The following TOP1 variants were observed in gnomAD, a reference collection of about 807,000 sequenced individuals.
TOP1 encodes DNA topoisomerase I, also known as DNA topoisomerase 1.
TOP1 carries 10 observed loss-of-function variants against 111.1 expected under a neutral mutation model. The ratio of observed to expected loss-of-function variants is 0.09; its 90% CI spans 0.06 to 0.15. The LOEUF (loss-of-function observed/expected upper bound fraction) is 0.15, where lower values mean the gene tolerates loss of function less well. Among genes scored for constraint, TOP1 ranks in the 10% least tolerant of loss-of-function variants. The pLI, the probability that TOP1 is intolerant of heterozygous loss-of-function variation, is 1.00. For synonymous variants in TOP1, 271 were observed against 302.9 expected (o/e 0.89, Z 1.10); for missense variants, 474 against 926.7 (o/e 0.51, Z 6.34).
At chr20:41,099,623 C>T (rs981311714) in intron 11 of TOP1, among the ~76,000 whole-genome samples, 5 of 152,116 alleles carry the variant, frequency 3.3e-5, no homozygotes, top group African/African-American at 1.2e-4. Flanking sequence ...AGTGACAGAT[C>T]TGTCTGAGCT....
In TOP1 at chr20:41,083,262, T is replaced by G. The variant is rs1179713269; in HGVS notation, c.508-1200T>G. ...TTCCTGTGGTGTGTTTCACCCTAAATAGTAAACATTATCTGAATTAATGTG... is the reference window on the plus strand; with the variant it reads ...TTCCTGTGGTGTGTTTCACCCTAAAGAGTAAACATTATCTGAATTAATGTG... On this transcript the variant is annotated intron_variant, in intron 7 of 20. Coordinates refer to ENST00000361337, the MANE Select transcript of TOP1 (RefSeq NM_003286.4). The surrounding 1 kb of genome is among the most constrained non-coding windows in gnomAD (Gnocchi z 7.2). Among the ~76,000 whole-genome samples, 3 of 152,162 alleles carry G rather than the reference T, an allele frequency of 2.0e-5. 1 individual carries two copies. Among genetic ancestry groups the G allele is most frequent in the African/African-American group, 7.2e-5 (3 of 41,442 alleles).
At chr20:41,076,123 T>C (rs2145934948) in intron 3 of TOP1, 48 bp from the exon 4 acceptor site, 2 of 1,571,496 alleles carry the variant, frequency 1.3e-6, no homozygotes, top group Non-Finnish European at 1.7e-6. Context: ...AAACGAATCC[T>C]TGTGGTCCCT....
rs550434530 is a variant in TOP1, at chr20:41,100,085, G to C, written c.1005G>C (p.Leu335=). 12 of 1,610,258 alleles carry C rather than the reference G, an allele frequency of 7.5e-6. No individual in the cohort carries two copies. In the African/African-American group the frequency reaches 8.0e-5, roughly 11 times the overall value. Residue 335 remains leucine, a synonymous_variant, in exon 12 of 21, where the codon CTG becomes CTC. Coordinates refer to ENST00000361337, the MANE Select transcript of TOP1 (RefSeq NM_003286.4). The surrounding 1 kb of genome is among the most constrained non-coding windows in gnomAD (Gnocchi z 4.4). ...TCAAAGAGGAGAATGAAAAATTACT[G>C]AAAGAATATGGATTCTGTATTATGG... is the stretch of plus-strand genomic sequence containing the variant. The part of the protein sequence containing the change: ...LKIKEENEKL[L]KEYGFCIMDN...
At position 41,118,099 on chromosome 20, in the gene TOP1, G is replaced by A. The variant is rs1420938324; in HGVS notation, c.1823-70G>A. The stretch of plus-strand genomic sequence containing the variant: ...AAATCATGGGGACGAGGCACTGGGG[G>A]AAGACATACTGTGTGTTCACTTTTG... On this transcript the variant is annotated intron_variant, in intron 17 of 20. Coordinates refer to ENST00000361337, the MANE Select transcript of TOP1 (RefSeq NM_003286.4). This position sits in a 1 kb window ranked among gnomAD's most constrained non-coding sequence, Gnocchi z 4.6. 3 of 1,535,386 alleles carry A rather than the reference G, an allele frequency of 2.0e-6. No homozygotes were observed. In the East Asian group the frequency reaches 6.8e-5, roughly 35 times the overall value.
At chr20:41,057,145 A>G (rs998935320) in intron 2 of TOP1, among the ~76,000 whole-genome samples, 9 of 152,084 alleles carry the variant, frequency 5.9e-5, no homozygotes, top group African/African-American at 1.7e-4. Flanking sequence ...ATGCACCTGT[A>G]GTCTCAGCTA....
intron 3 of TOP1, chr20:41,072,884 T>G: frequency 4.1e-6 from 4 of 985,430 alleles, no homozygotes; most frequent in Non-Finnish European, 4.8e-6. Context: ...TCTGCTCTTA[T>G]GCCTAAACAG....
chr20:41,059,070 A>G (rs1011542609), intron 2 of TOP1, among the ~76,000 whole-genome samples: 2 of 152,196 alleles, frequency 1.3e-5, no homozygotes, highest in African/African-American at 2.4e-5. Context: ...ACAGAGGAAC[A>G]GAAAACCAAG....
intron 7 of TOP1, 104 bp downstream of exon 7, chr20:41,081,344 T>TTA (rs1303728404): frequency 1.5e-6 from 2 of 1,355,830 alleles, no homozygotes; most frequent in Admixed American, 3.0e-5. Context: ...TATTGGCTTG[T>TTA]TATAACATTA....
At chr20:41,035,164 A>G (rs1036311691) in intron 2 of TOP1, among the ~76,000 whole-genome samples, 2 of 152,196 alleles carry the variant, frequency 1.3e-5, no homozygotes, top group African/African-American at 4.8e-5. Context: ...AGTGCTGGGC[A>G]TGAGCCACTG....
At position 41,061,717 on chromosome 20, in the gene TOP1, T is replaced by C. The variant is rs1351981119; in HGVS notation, c.155+227T>C. ...GCAAGTATGTTTAATTTTCTTTTAA[T>C]ATATACCTCATTAAAAATACAGTTG... On this transcript the variant is annotated intron_variant, in intron 3 of 20. Coordinates refer to ENST00000361337, the MANE Select transcript of TOP1 (RefSeq NM_003286.4). This position sits in a 1 kb window ranked among gnomAD's most constrained non-coding sequence, Gnocchi z 4.6. Among the ~76,000 whole-genome samples, 1 of 152,240 alleles carries C rather than the reference T, an allele frequency of 6.6e-6. No homozygotes were observed. The highest frequency in any genetic ancestry group is 2.4e-5 in the African/African-American group (1 of 41,460).
rs897002331 is a variant in TOP1 at position 41,116,030 on chromosome 20, C to T, written c.1708-248C>T. Among the ~76,000 whole-genome samples the T allele has an allele frequency of 6.6e-6, 1 of 152,150 alleles. No homozygotes were observed. The highest frequency in any genetic ancestry group is 2.4e-5 in the African/African-American group (1 of 41,420). ...GAGGCAGCAGTGAACCGAGATTGTA[C>T]CACTGCACTCCAGGCTGGGTGTCAG... On this transcript the variant is annotated intron_variant, in intron 16 of 20. Transcript: ENST00000361337. This position sits in a 1 kb window ranked among gnomAD's most constrained non-coding sequence, Gnocchi z 5.6.
intron 2 of TOP1, among the ~76,000 whole-genome samples, chr20:41,037,116 C>T (rs538982580): frequency 6.6e-6 from 1 of 152,250 alleles, no homozygotes; most frequent in African/African-American, 2.4e-5. Flanking sequence ...ATGCATGAGC[C>T]ACCGCGCCAA....
At chr20:41,108,702 C>G (rs751444477) in intron 13 of TOP1, among the ~76,000 whole-genome samples, 2 of 152,144 alleles carry the variant, frequency 1.3e-5, no homozygotes, top group Non-Finnish European at 2.9e-5. Flanking sequence ...GCCTGGTGCC[C>G]GTAGGATCTG....
chr20:41,111,229 C>A (rs1025916512), intron 13 of TOP1, among the ~76,000 whole-genome samples: 2 of 152,150 alleles, frequency 1.3e-5, no homozygotes, highest in African/African-American at 4.8e-5. Flanking sequence ...CCAATTTTTC[C>A]GTGCATGTGT....
chr20:41,052,999 C>CA lies in TOP1; in HGVS notation c.59-8386dup, dbSNP rs200786701. 2.0e-3 allele frequency among the ~76,000 whole-genome samples: 295 copies of CA among 151,158 alleles called. 1 individual carries two copies. In the East Asian group the frequency reaches 0.032, roughly 17 times the overall value. On this transcript the variant is annotated intron_variant, in intron 2 of 20. Transcript: ENST00000361337. ...AGTGAGACTCTGTCTAAACAAACAA[C>CA]AAAAAAAAACTCTGTTTTGGACACA...
At position 41,077,598 on chromosome 20, in the gene TOP1, A is replaced by T. The variant is rs1321133793; in HGVS notation, c.296A>T (p.Asp99Val). 1 of 1,614,074 alleles carries T rather than the reference A, an allele frequency of 6.2e-7. No homozygotes were observed. ...ACTTTTCAGGTTCGAGCCTCTGGGG[A>T]TGCAAAAATAAAGAAGGAGAAGGAA... ...RKEEKVRASG[D>V]AKIKKEKENG... Residue 99 changes from aspartate to valine, a missense_variant, in exon 5 of 21, where the codon GAT (aspartate) becomes GTT (valine). By Grantham distance (152) the Asp-to-Val change is radical. Around this residue, in one of 14 missense-constraint regions of TOP1, gnomAD observed 185 missense variants for 226.3 expected, o/e 0.82. Transcript: ENST00000361337.
intron 14 of TOP1, among the ~76,000 whole-genome samples, chr20:41,113,215 C>T (rs116127166): frequency 1.3e-5 from 2 of 152,174 alleles, no homozygotes; most frequent in African/African-American, 4.8e-5. Context: ...AGACCACGCT[C>T]TAGAGGAGAT....
At position 41,092,431 on chromosome 20, in the gene TOP1, C is replaced by A; in HGVS notation, c.615-41C>A. 3 of 988,758 alleles carry A rather than the reference C, an allele frequency of 3.0e-6. No homozygotes were observed. Among genetic ancestry groups the A allele is most frequent in the Non-Finnish European group, 4.5e-6 (3 of 659,762 alleles). 61.2% of individuals were successfully genotyped at this position (988,758 alleles called of 1,614,324 possible). On this transcript the variant is annotated intron_variant, in intron 8 of 20. Transcript: ENST00000361337. The surrounding 1 kb of genome is among the most constrained non-coding windows in gnomAD (Gnocchi z 4.3). ...AATCAGTGATGATCCCCATGTTAGA[C>A]AAGGCGATCACTAAATGAGGCTGTG...
At chr20:41,096,460 A>G (rs1600586699) in intron 9 of TOP1, among the ~76,000 whole-genome samples, 1 of 152,358 alleles carries the variant, frequency 6.6e-6, no homozygotes, top group South Asian at 2.1e-4. Flanking sequence ...TGAAAGAGGC[A>G]GCATCATGGT....
Sources: allele counts gnomAD v4.1 joint callset (sites outside exome capture counted in the v4.1 genomes callset), GRCh38; gene constraint gnomAD v4.1.1; regional missense constraint gnomAD v4.1.1; non-coding constraint Gnocchi (gnomAD v3.1); transcripts MANE v1.5; gene names NCBI Gene and HGNC (gene_info 2026-07-23, HGNC 2026-07-21).